PDGFRL: variants seen among roughly 807,000 people sequenced by gnomAD.
The protein encoded by PDGFRL is platelet-derived growth factor receptor-like protein.
Under a neutral mutation model 37.2 loss-of-function variants are expected in PDGFRL, and 46 were observed. The observed-to-expected ratio is 1.24, with a 90% CI of 0.98 to 1.58. The LOEUF (loss-of-function observed/expected upper bound fraction) is 1.58, where lower values mean the gene tolerates loss of function less well. Among genes scored for constraint, PDGFRL ranks in the 40% most tolerant of loss-of-function variants. The pLI is 0.00. For missense variants in PDGFRL, 692 were observed against 467.6 expected (o/e 1.48, Z -4.43); for synonymous variants, 251 against 184.3 (o/e 1.36, Z -2.93).
At chr8:17,599,233 C>T (rs894967939) in intron 2 of PDGFRL, among the ~76,000 whole-genome samples, 3 of 152,106 alleles carry the variant, frequency 2.0e-5, no homozygotes, top group Admixed American at 1.3e-4. Flanking sequence ...GTGCACCCGT[C>T]GTCACCCAAG....
At chr8:17,601,602 A>G (rs1405891227) in intron 2 of PDGFRL, among the ~76,000 whole-genome samples, 6 of 152,102 alleles carry the variant, frequency 3.9e-5, no homozygotes, top group Admixed American at 1.3e-4. Flanking sequence ...GTAGTTTCTC[A>G]GTCCTCACCC....
In PDGFRL at chr8:17,615,153, C is replaced by T. The variant is rs73666197; in HGVS notation, c.354-5898C>T. On this transcript the variant is annotated intron_variant, in intron 2 of 5. Transcript: ENST00000251630. ...TCTTCCGTATTGCCAGTTATGAAGT[C>T]GATGCTTAATAACTGATGGGTGTCC... 6.6e-3 allele frequency among the ~76,000 whole-genome samples: 1,004 copies of T among 152,232 alleles called. 11 individuals are homozygous for T. The highest frequency in any genetic ancestry group is 0.023 in the African/African-American group (944 of 41,532).
At chr8:17,580,980 C>G (rs536619625) in intron 1 of PDGFRL, among the ~76,000 whole-genome samples, 2 of 150,940 alleles carry the variant, frequency 1.3e-5, no homozygotes, top group East Asian at 3.9e-4. Context: ...TGTGTCTCCT[C>G]ATAAGAACAT....
intron 2 of PDGFRL, among the ~76,000 whole-genome samples, chr8:17,615,858 A>C (rs1009015828): frequency 6.6e-6 from 1 of 152,246 alleles, no homozygotes; most frequent in Admixed American, 6.5e-5. Flanking sequence ...GTAGTGAGCT[A>C]TGATTGCACC....
rs1803758402 is a variant in PDGFRL at position 17,583,797 on chromosome 8, C to A, written c.56-5671C>A. On this transcript the variant is annotated intron_variant, in intron 1 of 5. Coordinates refer to ENST00000251630, the MANE Select transcript of PDGFRL (RefSeq NM_001372073.1). ...GGAGGCTTGCACCTCCCCTCTCTCT[C>A]TCTCTTGCTTCTTCTCTCTCCATGT... is the stretch of plus-strand genomic sequence containing the variant. Among the ~76,000 whole-genome samples, 2 of 152,138 alleles carry A rather than the reference C, an allele frequency of 1.3e-5. 1 individual carries two copies. Among genetic ancestry groups the A allele is most frequent in the South Asian group, 4.1e-4 (2 of 4,822 alleles).
chr8:17,626,487 A>G (rs571355454), intron 3 of PDGFRL, among the ~76,000 whole-genome samples: 3 of 152,212 alleles, frequency 2.0e-5, no homozygotes, highest in South Asian at 2.1e-4. Context: ...CTCTTGGCTC[A>G]TGAACCATTT....
intron 2 of PDGFRL, among the ~76,000 whole-genome samples, chr8:17,599,043 A>G (rs185809107): frequency 6.6e-6 from 1 of 152,314 alleles, no homozygotes; most frequent in Admixed American, 6.5e-5. Context: ...TACAGAACCT[A>G]TTGTTACTTG....
At chr8:17,583,338 C>G (rs1408188824) in intron 1 of PDGFRL, among the ~76,000 whole-genome samples, 2 of 152,184 alleles carry the variant, frequency 1.3e-5, no homozygotes, top group African/African-American at 2.4e-5. Flanking sequence ...ACATTCAACT[C>G]CAACCTGTCA....
intron 1 of PDGFRL, among the ~76,000 whole-genome samples, chr8:17,583,894 C>T (rs1803760909): frequency 6.6e-6 from 1 of 152,168 alleles, no homozygotes; most frequent in African/African-American, 2.4e-5. Flanking sequence ...CACCAGATGC[C>T]CAGTCTTGAA....
intron 5 of PDGFRL, among the ~76,000 whole-genome samples, chr8:17,638,320 C>T (rs1429886704): frequency 6.6e-6 from 1 of 152,080 alleles, no homozygotes; most frequent in Admixed American, 6.6e-5. Context: ...CATTCAGGAG[C>T]AGGTTATTTA....
chr8:17,596,203 G>T, intron 2 of PDGFRL: 1 of 453,354 alleles, frequency 2.2e-6, no homozygotes, highest in Non-Finnish European at 3.6e-6. Flanking sequence ...ATCCAAGGCC[G>T]TCCACTGAGC....
chr8:17,623,719 C>G (rs764334499), intron 3 of PDGFRL, among the ~76,000 whole-genome samples: 1 of 152,004 alleles, frequency 6.6e-6, no homozygotes, highest in African/African-American at 2.4e-5. Context: ...TACAAAAATA[C>G]AAAAGTTAGC....
intron 4 of PDGFRL, among the ~76,000 whole-genome samples, chr8:17,632,404 G>A (rs902676597): frequency 3.3e-5 from 5 of 149,814 alleles, no homozygotes; most frequent in Admixed American, 2.6e-4. Context: ...GCAGTGGTGT[G>A]ATCTCGGCTC....
At position 17,592,915 on chromosome 8, in the gene PDGFRL, T is replaced by TACACACACAC. The variant is rs1563508720; in HGVS notation, c.353+3150_353+3151insACACACACAC. Reference sequence around the variant, plus strand: ...TTTGTCCTTCTTAAACCCACATACATGCACACACACACACACACACACACA... The same window carrying TACACACACAC: ...TTTGTCCTTCTTAAACCCACATACATACACACACACGCACACACACACACACACACACACA... On this transcript the variant is annotated intron_variant, in intron 2 of 5. Transcript: ENST00000251630. 1.6e-3 allele frequency among the ~76,000 whole-genome samples: 5 copies of TACACACACAC among 3,168 alleles called. No individual in the cohort carries two copies. In the South Asian group the frequency reaches 0.037, roughly 24 times the overall value. The allele number at this position is 3,168 out of a possible 152,430, so 2.1% of individuals were successfully genotyped here.
chr8:17,603,036 G>A (rs1286360478), intron 2 of PDGFRL, among the ~76,000 whole-genome samples: 1 of 152,192 alleles, frequency 6.6e-6, no homozygotes, highest in Non-Finnish European at 1.5e-5. Flanking sequence ...AGCCTGGAGT[G>A]CAGTGGCACG....
At chr8:17,610,944 T>G (rs1030408363) in intron 2 of PDGFRL, among the ~76,000 whole-genome samples, 1 of 152,222 alleles carries the variant, frequency 6.6e-6, no homozygotes, top group African/African-American at 2.4e-5. Context: ...ATTTCGTTGT[T>G]ATTTCCATGC....
rs200982376 is a variant in PDGFRL at position 17,589,720 on chromosome 8, G to A, written c.308G>A (p.Trp103Ter). The A allele has an allele frequency of 7.4e-6, 12 of 1,613,068 alleles. No individual in the cohort carries two copies. The East Asian group carries it at 2.7e-4, about 36-fold the overall frequency. ...ELRCKGSRIG[W>*]SYPAYLDTFK... Reference sequence around the variant, plus strand: ...CGATGTAAAGGGAGTAGAATTGGGTGGAGCTACCCTGCGTATCTGGACACC... The same window carrying A: ...CGATGTAAAGGGAGTAGAATTGGGTAGAGCTACCCTGCGTATCTGGACACC... Residue 103 changes from tryptophan to a stop codon, truncating the protein, a stop_gained, in exon 2 of 6, where the codon TGG (tryptophan) becomes TAG (stop). Coordinates refer to ENST00000251630, the MANE Select transcript of PDGFRL (RefSeq NM_001372073.1). LOFTEE classifies it high-confidence loss of function.
chr8:17,577,245 T>C lies in PDGFRL; in HGVS notation c.-8T>C, dbSNP rs753580634. 11 of 1,611,744 alleles carry C rather than the reference T, an allele frequency of 6.8e-6. No homozygotes were observed. Among genetic ancestry groups the C allele is most frequent in the African/African-American group, 6.7e-5 (5 of 74,672 alleles). ...CGCTCCTGCGCTCCGAGGTCCGAGG[T>C]TCCCGAGATGAAGGTCTGGCTGCTG... is the stretch of plus-strand genomic sequence containing the variant. On this transcript the variant is annotated 5_prime_UTR_variant, in exon 1 of 6. Coordinates refer to ENST00000251630, the MANE Select transcript of PDGFRL (RefSeq NM_001372073.1).
At chr8:17,634,655 C>T (rs926993176) in intron 5 of PDGFRL, among the ~76,000 whole-genome samples, 2 of 152,104 alleles carry the variant, frequency 1.3e-5, no homozygotes, top group African/African-American at 4.8e-5. Context: ...AGAATGAGAT[C>T]ATGTCCTTTG....
Sources: allele counts gnomAD v4.1 joint callset (sites outside exome capture counted in the v4.1 genomes callset), GRCh38; gene constraint gnomAD v4.1.1; transcripts MANE v1.5; gene names NCBI Gene and HGNC (gene_info 2026-07-23, HGNC 2026-07-21).